The following COX16 variants were observed in gnomAD, a reference collection of about 807,000 sequenced individuals.
The protein encoded by COX16 is cytochrome c oxidase assembly factor COX16, also known as cytochrome c oxidase assembly protein COX16 homolog, mitochondrial.
Under a neutral mutation model 15.4 loss-of-function variants are expected in COX16, and 12 were observed. The ratio of observed to expected loss-of-function variants is 0.78; its 90% CI spans 0.50 to 1.26. The LOEUF (loss-of-function observed/expected upper bound fraction) is 1.26. COX16 is among the 50% of genes most tolerant of loss of function. The probability of loss-of-function intolerance (pLI) is 0.00; values close to 1 mark genes in which losing one functional copy is unlikely to be tolerated. For missense variants in COX16, 124 were observed against 127.6 expected, an observed-to-expected ratio of 0.97 and a Z score of 0.14; for synonymous variants, 46 against 41.1, an observed-to-expected ratio of 1.12 and a Z score of -0.46.
intron 1 of COX16, among the ~76,000 whole-genome samples, chr14:70,350,026 A>G (rs35997384): frequency 0.071 from 10,863 of 152,246 alleles, 556 homozygotes; most frequent in Non-Finnish European, 0.11. Context: ...CGCCACCCCT[A>G]TGTCACGCCT....
At chr14:70,336,023 A>G (rs1886441886) in intron 2 of COX16, among the ~76,000 whole-genome samples, 1 of 152,174 alleles carries the variant, frequency 6.6e-6, no homozygotes, top group Admixed American at 6.5e-5. Context: ...TTGGGAGGCC[A>G]AGGCAGGTGG....
chr14:70,346,496 T>C (rs1886786593), intron 1 of COX16, among the ~76,000 whole-genome samples: 1 of 152,154 alleles, frequency 6.6e-6, no homozygotes, highest in African/African-American at 2.4e-5. Flanking sequence ...CCAATGGAAA[T>C]TGGACTGTGA....
intron 2 of COX16, among the ~76,000 whole-genome samples, chr14:70,331,900 A>C (rs1460169751): frequency 6.6e-6 from 1 of 152,200 alleles, no homozygotes; most frequent in African/African-American, 2.4e-5. Flanking sequence ...ATCCACAGTA[A>C]AAAGTCTTGC....
At chr14:70,328,143 G>C (rs561045969) in intron 3 of COX16, 2 of 139,542 alleles carry the variant, frequency 1.4e-5, no homozygotes, top group African/African-American at 2.7e-5. Flanking sequence ...GCAGTGGCGC[G>C]ATAAGATTTT....
chr14:70,352,891 AAAG>A (rs1251142385), intron 1 of COX16, among the ~76,000 whole-genome samples: 1 of 152,090 alleles, frequency 6.6e-6, no homozygotes, highest in African/African-American at 2.4e-5. Context: ...CTAAAGAAAA[AAAG>A]AAATCTCATG....
chr14:70,332,919 T>G (rs1298913745), intron 2 of COX16, among the ~76,000 whole-genome samples: 2 of 152,180 alleles, frequency 1.3e-5, no homozygotes, highest in African/African-American at 4.8e-5. Flanking sequence ...CCCCAGTACC[T>G]ACCTTGGATC....
chr14:70,349,317 G>T (rs1886873951), intron 1 of COX16, among the ~76,000 whole-genome samples: 1 of 152,178 alleles, frequency 6.6e-6, no homozygotes, highest in African/African-American at 2.4e-5. Flanking sequence ...TCACTCACAT[G>T]CCGCCCAATA....
intron 1 of COX16, among the ~76,000 whole-genome samples, chr14:70,355,660 A>T (rs971666650): frequency 6.6e-6 from 1 of 152,230 alleles, no homozygotes; most frequent in Non-Finnish European, 1.5e-5. Context: ...CTTAAATAGG[A>T]TATCATTTCC....
intron 1 of COX16, among the ~76,000 whole-genome samples, chr14:70,350,454 C>G (rs1425231316): frequency 1.3e-5 from 2 of 152,154 alleles, no homozygotes; most frequent in East Asian, 3.9e-4. Flanking sequence ...TTGGCGCGCT[C>G]TCGGGGTTCA....
At chr14:70,329,329 T>C (rs1886203331) in intron 2 of COX16, 93 bp from the exon 3 acceptor site, 2 of 1,145,274 alleles carry the variant, frequency 1.7e-6, no homozygotes, top group South Asian at 3.2e-5. Flanking sequence ...GCTGAAATAC[T>C]ATAGCCAAAT....
intron 1 of COX16, among the ~76,000 whole-genome samples, chr14:70,357,853 A>G (rs552249340): frequency 6.6e-6 from 1 of 152,348 alleles, no homozygotes; most frequent in Admixed American, 6.5e-5. Flanking sequence ...AAAAAGTTGA[A>G]GAGTTACCAT....
intron 1 of COX16, among the ~76,000 whole-genome samples, chr14:70,353,559 G>GCT (rs1323900791): frequency 6.6e-6 from 1 of 151,558 alleles, no homozygotes; most frequent in Non-Finnish European, 1.5e-5. Context: ...TGTCACCCAG[G>GCT]CTGGAGTGCA....
chr14:70,331,949 C>G (rs1225805516), intron 2 of COX16, among the ~76,000 whole-genome samples: 2 of 152,108 alleles, frequency 1.3e-5, no homozygotes, highest in African/African-American at 2.4e-5. Flanking sequence ...GTTGTCAAAC[C>G]CTGATGGAGC....
intron 1 of COX16, among the ~76,000 whole-genome samples, chr14:70,349,145 G>C (rs919099246): frequency 6.6e-6 from 1 of 151,992 alleles, no homozygotes; most frequent in African/African-American, 2.4e-5. Flanking sequence ...CAACTTCTCC[G>C]CCCTGTTCTC....
intron 2 of COX16, among the ~76,000 whole-genome samples, chr14:70,341,631 T>C (rs944895216): frequency 6.6e-6 from 1 of 152,188 alleles, no homozygotes; most frequent in African/African-American, 2.4e-5. Flanking sequence ...CTTCAGTTTT[T>C]TCAAGTAAAG....
intron 2 of COX16, among the ~76,000 whole-genome samples, chr14:70,340,595 T>A (rs1886595901): frequency 6.6e-6 from 1 of 152,210 alleles, no homozygotes; most frequent in Non-Finnish European, 1.5e-5. Flanking sequence ...TATTTCAGGT[T>A]CCATTATTGT....
intron 1 of COX16, among the ~76,000 whole-genome samples, chr14:70,349,611 C>T (rs970221566): frequency 6.6e-6 from 1 of 152,222 alleles, no homozygotes; most frequent in African/African-American, 2.4e-5. Context: ...TAAAGCCCAA[C>T]TCACCAAGCT....
intron 1 of COX16, among the ~76,000 whole-genome samples, chr14:70,354,606 A>G (rs1887065787): frequency 6.6e-6 from 1 of 152,238 alleles, no homozygotes; most frequent in South Asian, 2.1e-4. Context: ...GACAGAACAC[A>G]GAAGCTCTGC....
chr14:70,330,001 C>G (rs924539432), intron 2 of COX16, among the ~76,000 whole-genome samples: 15 of 152,036 alleles, frequency 9.9e-5, no homozygotes, highest in Middle Eastern at 3.4e-3. Context: ...CTAGAAGTTC[C>G]AGAATTAGAA....
Sources: gnomAD v4.1 joint callset for allele counts (sites outside exome capture counted in the v4.1 genomes callset) on GRCh38, gnomAD v4.1.1 for gene constraint, MANE v1.5 for transcripts, NCBI Gene and HGNC (gene_info 2026-07-23, HGNC 2026-07-21) for gene names.